Variants in PACRG observed in about 807,000 individuals in gnomAD.
PACRG encodes the protein parkin coregulated, also known as parkin coregulated gene protein.
A neutral mutation model predicts 29.7 loss-of-function variants in PACRG; 29 were observed. The ratio of observed to expected loss-of-function variants is 0.98; its 90% confidence interval spans 0.73 to 1.33. PACRG has a LOEUF of 1.33. Among genes scored for constraint, PACRG ranks in the 40% most tolerant of loss-of-function variants. The pLI is 0.00. For synonymous variants in PACRG, 116 were observed against 118.7 expected (o/e 0.98, Z 0.15); for missense variants, 279 against 316.2 (o/e 0.88, Z 0.89).
chr6:163,271,163 A>G lies in PACRG; in HGVS notation c.614-43664A>G, dbSNP rs554439235. 2.6e-5 allele frequency among the ~76,000 whole-genome samples: 4 copies of G among 152,214 alleles called. No homozygotes were observed. In the South Asian group the frequency reaches 8.3e-4, roughly 32 times the overall value. ...GCAGGAAGCTTCCAGCACGGGAGAA[A>G]GATGAAGGCCAGAAGACTCAGGCAG... On this transcript the variant is annotated intron_variant, in intron 4 of 4. Coordinates refer to ENST00000366888, the MANE Select transcript of PACRG (RefSeq NM_001080379.2).
intron 4 of PACRG, among the ~76,000 whole-genome samples, chr6:163,253,767 C>G (rs571646364): frequency 2.0e-5 from 3 of 152,302 alleles, no homozygotes; most frequent in African/African-American, 7.2e-5. Flanking sequence ...CAGGTGCCTC[C>G]TTGAGCCTGA....
At chr6:162,867,459 T>C (rs527386581) in intron 2 of PACRG, among the ~76,000 whole-genome samples, 10 of 152,200 alleles carry the variant, frequency 6.6e-5, no homozygotes, top group African/African-American at 2.4e-4. Context: ...CCTGGCTTCC[T>C]GAAGGGCTGT....
rs76283405 is a variant in PACRG, at chr6:162,954,433, G to A, written c.292-107717G>A. Among the ~76,000 whole-genome samples, 920 of 149,820 alleles carry A rather than the reference G, an allele frequency of 6.1e-3. 19 individuals are homozygous for A. Among genetic ancestry groups the A allele is most frequent in the African/African-American group, 0.021 (869 of 40,896 alleles). On this transcript the variant is annotated intron_variant, in intron 2 of 4. Coordinates refer to ENST00000366888, the MANE Select transcript of PACRG (RefSeq NM_001080379.2). Reference sequence around the variant, plus strand: ...TAGAAAAACAGTTACAAAATTTCCTGAGTTGCTTTTTTTTTTTTAATGGCC... The same window carrying A: ...TAGAAAAACAGTTACAAAATTTCCTAAGTTGCTTTTTTTTTTTTAATGGCC...
At chr6:163,000,509 A>AG (rs1804489196) in intron 2 of PACRG, among the ~76,000 whole-genome samples, 1 of 152,104 alleles carries the variant, frequency 6.6e-6, no homozygotes, top group Non-Finnish European at 1.5e-5. Context: ...GCATCCTTAT[A>AG]GCATCATGTT....
chr6:163,018,555 A>G (rs190538920), intron 2 of PACRG, among the ~76,000 whole-genome samples: 5 of 152,266 alleles, frequency 3.3e-5, no homozygotes, highest in Admixed American at 2.0e-4. Flanking sequence ...AAGTTGCCCA[A>G]TTTCTTCTGG....
chr6:162,899,622 C>T (rs1329630272), intron 2 of PACRG, among the ~76,000 whole-genome samples: 1 of 152,116 alleles, frequency 6.6e-6, no homozygotes, highest in Non-Finnish European at 1.5e-5. Context: ...GGAAGGTCTT[C>T]CTCCCAGCCA....
Position 163,190,693 on chromosome 6 carries a change from C to G in PACRG, c.613+101285C>G, listed in dbSNP as rs566299785. ...ACAGTCTAACCCGTCAGTTCAGAACCCTAGTAAAATTTGTTTTGGAGCCTA... is the reference window on the plus strand; with the variant it reads ...ACAGTCTAACCCGTCAGTTCAGAACGCTAGTAAAATTTGTTTTGGAGCCTA... On this transcript the variant is annotated intron_variant, in intron 4 of 4. Transcript: ENST00000366888. 25 of 197,078 alleles carry G rather than the reference C, an allele frequency of 1.3e-4. No individual in the cohort carries two copies. In the East Asian group the frequency reaches 3.5e-3, roughly 28 times the overall value. The allele number at this position is 197,078 out of a possible 1,614,324, so 12.2% of individuals were successfully genotyped here.
chr6:163,036,619 T>C (rs945299041), intron 2 of PACRG, among the ~76,000 whole-genome samples: 3 of 152,190 alleles, frequency 2.0e-5, no homozygotes, highest in African/African-American at 7.2e-5. Flanking sequence ...TGGTTCTCAC[T>C]TGTGAATCAA....
intron 2 of PACRG, among the ~76,000 whole-genome samples, chr6:162,823,916 A>G (rs1327432934): frequency 6.6e-6 from 1 of 152,168 alleles, no homozygotes; most frequent in African/African-American, 2.4e-5. Flanking sequence ...CACCTGGCCA[A>G]TACCCAGTGT....
intron 3 of PACRG, among the ~76,000 whole-genome samples, chr6:163,065,080 C>T (rs1040779542): frequency 6.6e-6 from 1 of 152,064 alleles, no homozygotes; most frequent in Admixed American, 6.6e-5. Flanking sequence ...GGTTCAAGCC[C>T]CCAAGTTCTG....
chr6:163,027,728 C>A (rs1040690296), intron 2 of PACRG, among the ~76,000 whole-genome samples: 1 of 152,190 alleles, frequency 6.6e-6, no homozygotes, highest in African/African-American at 2.4e-5. Flanking sequence ...TATAAAGGCT[C>A]TTTTGCAGCT....
intron 2 of PACRG, 41 bp from the exon 3 acceptor site, chr6:163,062,109 A>C: frequency 6.2e-7 from 1 of 1,604,408 alleles, no homozygotes; most frequent in South Asian, 1.1e-5. Flanking sequence ...CTCTGCCCGA[A>C]TGCTGTTTTC....
At chr6:163,077,868 T>A (rs1305784798) in intron 3 of PACRG, among the ~76,000 whole-genome samples, 1 of 152,050 alleles carries the variant, frequency 6.6e-6, no homozygotes, top group Non-Finnish European at 1.5e-5. Context: ...TCGCCCTGTA[T>A]GAACAGGGGA....
intron 4 of PACRG, among the ~76,000 whole-genome samples, chr6:163,173,828 G>GTTA (rs1166169660): frequency 6.6e-6 from 1 of 152,198 alleles, no homozygotes; most frequent in Non-Finnish European, 1.5e-5. Flanking sequence ...AAACCTTGGG[G>GTTA]TTAGAGTGTT....
rs1322629668 is a variant in PACRG at position 162,747,362 on chromosome 6, A to G, written c.156+18971A>G. Among the ~76,000 whole-genome samples the G allele has an allele frequency of 7.0e-3, 385 of 55,112 alleles. 32 individuals are homozygous for G. The highest frequency in any genetic ancestry group is 0.018 in the African/African-American group (173 of 9,594). 36.2% of individuals were successfully genotyped at this position (55,112 alleles called of 152,430 possible). ...TATATATATATATATATATATATAT[A>G]TACACATACATATATATGTATATAT... is the stretch of plus-strand genomic sequence containing the variant. On this transcript the variant is annotated intron_variant, in intron 1 of 4. Coordinates refer to ENST00000366888, the MANE Select transcript of PACRG (RefSeq NM_001080379.2).
intron 4 of PACRG, among the ~76,000 whole-genome samples, chr6:163,116,985 C>A (rs9295211): frequency 6.6e-6 from 1 of 151,988 alleles, no homozygotes; most frequent in African/African-American, 2.4e-5. Context: ...ATGCCTGTCC[C>A]GTGGCCAGCA....
At chr6:163,231,373 A>G (rs7764553) in intron 4 of PACRG, among the ~76,000 whole-genome samples, 108,864 of 152,156 alleles carry the variant, frequency 0.72, 39,905 homozygotes, top group African/African-American at 0.88. Flanking sequence ...GAACATGGCC[A>G]GAGTTCCCTG....
chr6:163,195,851 C>T (rs1193557686), intron 4 of PACRG, among the ~76,000 whole-genome samples: 2 of 152,224 alleles, frequency 1.3e-5, no homozygotes, highest in African/African-American at 2.4e-5. Flanking sequence ...CCGCGCCCGC[C>T]CCTGGGTGTC....
At chr6:162,892,050 A>C (rs1794803808) in intron 2 of PACRG, 1 of 152,504 alleles carries the variant, frequency 6.6e-6, no homozygotes, top group Middle Eastern at 3.4e-3. Flanking sequence ...CTGCTCCTGG[A>C]AGACTGACTA....
Sources: gnomAD v4.1 joint callset for allele counts (sites outside exome capture counted in the v4.1 genomes callset) on GRCh38, gnomAD v4.1.1 for gene constraint, MANE v1.5 for transcripts, NCBI Gene and HGNC (gene_info 2026-07-23, HGNC 2026-07-21) for gene names.